Variants in GNAO1 observed in about 807,000 individuals in gnomAD.
The protein encoded by GNAO1 is guanine nucleotide-binding protein G(o) subunit alpha.
For missense variants in GNAO1, 166 were observed against 478.7 expected (o/e 0.35, Z 6.10); for synonymous variants, 164 against 180.7 (o/e 0.91, Z 0.74).
In GNAO1 at chr16:56,334,993, A is replaced by G; in HGVS notation, c.593+136A>G. On this transcript the variant is annotated intron_variant, in intron 5 of 8. Coordinates refer to ENST00000262493, the MANE Select transcript of GNAO1 (RefSeq NM_020988.3). ...TGCGGGCTGGGGCAGGCAGCTAGAT[A>G]CTAGAAGGAACCTGTCTGTGTTTCT... is the stretch of plus-strand genomic sequence containing the variant. 5 of 816,520 alleles carry G rather than the reference A, an allele frequency of 6.1e-6. No homozygotes were observed. The South Asian group carries it at 8.6e-5, about 14-fold the overall frequency. The allele number at this position is 816,520 out of a possible 1,614,324, so 50.6% of individuals were successfully genotyped here.
chr16:56,281,489 C>T (rs1473913466), intron 3 of GNAO1, among the ~76,000 whole-genome samples: 4 of 152,118 alleles, frequency 2.6e-5, no homozygotes, highest in African/African-American at 9.7e-5. Context: ...CTTCACTCCT[C>T]CCTTTTTCTT....
chr16:56,235,494 C>G (rs2036629843), intron 2 of GNAO1: 2 of 447,740 alleles, frequency 4.5e-6, no homozygotes, highest in Non-Finnish European at 8.9e-6. Context: ...GCTCCTGGCA[C>G]CTGCCTGGTC....
At chr16:56,231,796 C>G (rs1274453351) in intron 2 of GNAO1, among the ~76,000 whole-genome samples, 3 of 152,218 alleles carry the variant, frequency 2.0e-5, no homozygotes, top group Non-Finnish European at 4.4e-5. Context: ...GCAGTCCAAC[C>G]TGTATTTCCC....
intron 6 of GNAO1, among the ~76,000 whole-genome samples, chr16:56,343,220 G>A (rs919641705): frequency 2.6e-5 from 4 of 151,900 alleles, no homozygotes; most frequent in Non-Finnish European, 5.9e-5. Context: ...CGGGCACAAT[G>A]GCTCACGCCT....
intron 6 of GNAO1, among the ~76,000 whole-genome samples, chr16:56,343,224 C>G (rs150033236): frequency 0.015 from 2,320 of 152,068 alleles, 61 homozygotes; most frequent in African/African-American, 0.053. Context: ...CACAATGGCT[C>G]ACGCCTATAA....
In GNAO1 at chr16:56,198,084, A is replaced by G. The variant is rs2036250051; in HGVS notation, c.161+5468A>G. On this transcript the variant is annotated intron_variant, in intron 2 of 8. Transcript: ENST00000262493. ...CAAAACAAAAAAAACCACATTTTGGAAAGAGTTACCCTCAGAATTGACACT... is the reference window on the plus strand; with the variant it reads ...CAAAACAAAAAAAACCACATTTTGGGAAGAGTTACCCTCAGAATTGACACT... Among the ~76,000 whole-genome samples the G allele has an allele frequency of 2.0e-5, 3 of 152,240 alleles. No homozygotes were observed. The South Asian group carries it at 6.2e-4, about 32-fold the overall frequency.
intron 2 of GNAO1, among the ~76,000 whole-genome samples, chr16:56,261,075 G>A (rs1300993738): frequency 1.3e-5 from 2 of 152,218 alleles, no homozygotes; most frequent in African/African-American, 4.8e-5. Context: ...TCCAGCAAAA[G>A]TTGGCGTGGC....
chr16:56,223,519 G>C (rs1260611319), intron 2 of GNAO1, among the ~76,000 whole-genome samples: 1 of 152,208 alleles, frequency 6.6e-6, no homozygotes, highest in South Asian at 2.1e-4. Flanking sequence ...AATGGCATCT[G>C]CAAAGTCCCT....
intron 6 of GNAO1, among the ~76,000 whole-genome samples, chr16:56,339,395 T>A (rs1376776142): frequency 6.6e-6 from 1 of 152,254 alleles, no homozygotes. Flanking sequence ...GAATAGCTCC[T>A]GTGGCTACAA....
At chr16:56,225,356 A>G (rs1186740932) in intron 2 of GNAO1, among the ~76,000 whole-genome samples, 1 of 152,250 alleles carries the variant, frequency 6.6e-6, no homozygotes, top group African/African-American at 2.4e-5. Context: ...TTCCTACTAC[A>G]TACCAGCTCC....
At chr16:56,329,342 G>A (rs2143648419) in intron 4 of GNAO1, 1 of 152,324 alleles carries the variant, frequency 6.6e-6, no homozygotes, top group East Asian at 1.9e-4. Flanking sequence ...GAGGGCAGGA[G>A]GACGGAAGGA....
At chr16:56,260,873 G>A (rs1163191001) in intron 2 of GNAO1, among the ~76,000 whole-genome samples, 1 of 152,164 alleles carries the variant, frequency 6.6e-6, no homozygotes, top group Non-Finnish European at 1.5e-5. Flanking sequence ...AAGACTGGCT[G>A]GGCTGGGTTT....
At chr16:56,289,353 G>A (rs2037207628) in intron 3 of GNAO1, among the ~76,000 whole-genome samples, 1 of 152,200 alleles carries the variant, frequency 6.6e-6, no homozygotes, top group Admixed American at 6.5e-5. Context: ...GTCTAAGACG[G>A]GAGTATAGCC....
chr16:56,327,197 C>G (rs758601313), intron 3 of GNAO1, among the ~76,000 whole-genome samples: 1 of 152,064 alleles, frequency 6.6e-6, no homozygotes, highest in East Asian at 1.9e-4. Flanking sequence ...GTACCAGGCT[C>G]CCCGAGTCCT....
At chr16:56,298,061 A>G (rs571654212) in intron 3 of GNAO1, among the ~76,000 whole-genome samples, 1 of 152,174 alleles carries the variant, frequency 6.6e-6, no homozygotes, top group East Asian at 1.9e-4. Context: ...GGTCCCAGCT[A>G]CTGGGGAGGC....
At chr16:56,324,685 T>C (rs1329848248) in intron 3 of GNAO1, among the ~76,000 whole-genome samples, 4 of 152,210 alleles carry the variant, frequency 2.6e-5, no homozygotes, top group East Asian at 1.9e-4. Context: ...TCCAGGTCAC[T>C]GCTGCCAGGG....
rs566276795 is a variant in GNAO1, at chr16:56,224,448, G to A, written c.161+31832G>A. ...ATACCTTCTGCTCTGACCTAAGGCT[G>A]CATGGCATAGATGGGGGACTGGGGT... is the stretch of plus-strand genomic sequence containing the variant. On this transcript the variant is annotated intron_variant, in intron 2 of 8. Transcript: ENST00000262493. Among the ~76,000 whole-genome samples the A allele has an allele frequency of 2.0e-5, 3 of 152,312 alleles. No individual in the cohort carries two copies. In the South Asian group the frequency reaches 6.2e-4, roughly 32 times the overall value.
At chr16:56,309,267 TC>T (rs200479388) in intron 3 of GNAO1, among the ~76,000 whole-genome samples, 2,114 of 152,224 alleles carry the variant, frequency 0.014, 48 homozygotes, top group African/African-American at 0.049. Flanking sequence ...GCCCCTGGGC[TC>T]CCTGCAACTG....
intron 2 of GNAO1, among the ~76,000 whole-genome samples, chr16:56,228,764 G>T (rs529066095): frequency 6.6e-6 from 1 of 152,316 alleles, no homozygotes; most frequent in Admixed American, 6.5e-5. Flanking sequence ...CCCCACTTCT[G>T]TCAGGTCTGC....
Sources: gnomAD v4.1 joint callset for allele counts (sites outside exome capture counted in the v4.1 genomes callset) on GRCh38, gnomAD v4.1.1 for gene constraint, MANE v1.5 for transcripts, NCBI Gene and HGNC (gene_info 2026-07-23, HGNC 2026-07-21) for gene names.